RAB4B: variants seen among roughly 807,000 people sequenced by gnomAD.
RAB4B encodes ras-related protein Rab-4B.
Under a neutral mutation model 28.3 loss-of-function variants are expected in RAB4B, and 15 were observed. The ratio of observed to expected loss-of-function variants is 0.53; its 90% CI spans 0.35 to 0.82. RAB4B has a LOEUF of 0.82. Among genes scored for constraint, RAB4B ranks in the 40% least tolerant of loss-of-function variants. The pLI is 0.01. For missense variants in RAB4B, 244 were observed against 288.5 expected (o/e 0.85, Z 1.12); for synonymous variants, 108 against 116.3 (o/e 0.93, Z 0.46).
chr19:40,778,294 AG>A lies in RAB4B; in HGVS notation c.-81del. ...GGGAGTAGGAAGGAGCCGGGGCTGT[AG>A]CCGGAGTGGAGCGGCTGCCAGCCGA... On this transcript the variant is annotated 5_prime_UTR_variant, in exon 1 of 8. Coordinates refer to ENST00000357052, the MANE Select transcript of RAB4B (RefSeq NM_016154.5). 1 of 1,373,974 alleles carries A rather than the reference AG, an allele frequency of 7.3e-7. No homozygotes were observed. The highest frequency in any genetic ancestry group is 2.5e-5 in the Admixed American group (1 of 40,778). The allele number at this position is 1,373,974 out of a possible 1,614,324, so 85.1% of individuals were successfully genotyped here.
At chr19:40,779,888 G>C (rs2145036323) in intron 1 of RAB4B, 131 bp from the exon 2 acceptor site, 1 of 1,556,908 alleles carries the variant, frequency 6.4e-7, no homozygotes, top group East Asian at 2.3e-5. Context: ...CTATTGGTTT[G>C]TTTCTGCCTA....
Position 40,778,393 on chromosome 19 carries a change from T to C in RAB4B, c.16+2T>C. The C allele has an allele frequency of 6.9e-7, 1 of 1,458,862 alleles. No homozygotes were observed. The highest frequency in any genetic ancestry group is 9.0e-7 in the Non-Finnish European group (1 of 1,108,734). 90.4% of individuals were successfully genotyped at this position (1,458,862 alleles called of 1,614,324 possible). A position where few individuals can be genotyped will look rare whatever the true frequency, so the allele number is the denominator to read the frequency against. On this transcript the variant is annotated splice_donor_variant, in intron 1 of 7. Transcript: ENST00000357052. LOFTEE classifies it high-confidence loss of function. ...ACCGAGTCATGGCTGAGACCTACGG[T>C]GAGGGTGGTGGACGAAGCTGGGGTC... is the stretch of plus-strand genomic sequence containing the variant.
intron 3 of RAB4B, among the ~76,000 whole-genome samples, chr19:40,782,912 G>A (rs1054283588): frequency 6.6e-6 from 1 of 152,126 alleles, no homozygotes; most frequent in African/African-American, 2.4e-5. Context: ...GCCAAGGTGG[G>A]CGGATCACTT....
intron 7 of RAB4B, among the ~76,000 whole-genome samples, chr19:40,791,272 G>A (rs571192201): frequency 6.6e-6 from 1 of 152,340 alleles, no homozygotes; most frequent in South Asian, 2.1e-4. Flanking sequence ...TTACAGGCCT[G>A]AGCCACTGTG....
chr19:40,778,305 A>C lies in RAB4B; in HGVS notation c.-71A>C, dbSNP rs1316684618. On this transcript the variant is annotated 5_prime_UTR_variant, in exon 1 of 8. Coordinates refer to ENST00000357052, the MANE Select transcript of RAB4B (RefSeq NM_016154.5). ...GGAGCCGGGGCTGTAGCCGGAGTGG[A>C]GCGGCTGCCAGCCGAGGAGCAGGCG... is the stretch of plus-strand genomic sequence containing the variant. 2.8e-6 allele frequency: 4 copies of C among 1,435,354 alleles called. No individual in the cohort carries two copies. In the East Asian group the frequency reaches 1.1e-4, roughly 41 times the overall value. 88.9% of individuals were successfully genotyped at this position (1,435,354 alleles called of 1,614,324 possible). A position where few individuals can be genotyped will look rare whatever the true frequency, so the allele number is the denominator to read the frequency against.
intron 3 of RAB4B, among the ~76,000 whole-genome samples, chr19:40,783,169 A>AAAAG (rs1288424923): frequency 7.3e-6 from 1 of 136,226 alleles, no homozygotes; most frequent in African/African-American, 2.8e-5. Flanking sequence ...AAAAAAAAAA[A>AAAAG]AAAGAAAAAG....
chr19:40,790,609 G>A (rs1416491754), intron 7 of RAB4B, among the ~76,000 whole-genome samples: 16 of 150,326 alleles, frequency 1.1e-4, no homozygotes, highest in African/African-American at 3.7e-4. Context: ...TCCTGACCTC[G>A]TGATCCTCCT....
At chr19:40,791,147 G>A (rs1423597385) in intron 7 of RAB4B, among the ~76,000 whole-genome samples, 3 of 152,042 alleles carry the variant, frequency 2.0e-5, no homozygotes, top group African/African-American at 7.2e-5. Context: ...GAGACATTGC[G>A]CCCGGCCAAT....
chr19:40,786,726 G>C lies in RAB4B; in HGVS notation c.492G>C (p.Lys164Asn), dbSNP rs2083103021. 1 of 1,614,110 alleles carries C rather than the reference G, an allele frequency of 6.2e-7. No individual in the cohort carries two copies. The highest frequency in any genetic ancestry group is 8.5e-7 in the Non-Finnish European group (1 of 1,179,994). The change falls in exon 6 of 8, where the codon AAG becomes AAC. Residue 164 changes from lysine to asparagine, a missense_variant. Lys to Asn is a moderately conservative substitution (Grantham distance 94). Coordinates refer to ENST00000357052, the MANE Select transcript of RAB4B (RefSeq NM_016154.5). ...TGENVEEAFLKCARTILNKID... is the reference protein window; with the variant it reads ...TGENVEEAFLNCARTILNKID... Reference sequence around the variant, plus strand: ...AGAACGTGGAGGAGGCGTTCCTCAAGTGTGCCCGCACTATCCTCAACAAGA... The same window carrying C: ...AGAACGTGGAGGAGGCGTTCCTCAACTGTGCCCGCACTATCCTCAACAAGA...
At chr19:40,789,469 T>TGGG (rs2083136215) in intron 7 of RAB4B, among the ~76,000 whole-genome samples, 1 of 150,294 alleles carries the variant, frequency 6.7e-6, no homozygotes, top group Non-Finnish European at 1.5e-5. Flanking sequence ...CCCAAAGTGC[T>TGGG]GGGATTACAG....
chr19:40,783,984 C>T lies in RAB4B; in HGVS notation c.339C>T (p.Asn113=). ...ATGCCCGCACCCTGGCCAGCCCCAA[C>T]ATCGTGGTCATCCTCTGTGGCAACA... is the stretch of plus-strand genomic sequence containing the variant. ...LTDARTLASP[N]IVVILCGNKK... Residue 113 remains asparagine (N), a synonymous_variant, in exon 5 of 8, where the codon AAC becomes AAT. Transcript: ENST00000357052. 6.2e-7 allele frequency: 1 copy of T among 1,614,154 alleles called. No homozygotes were observed. The highest frequency in any genetic ancestry group is 2.2e-5 in the East Asian group (1 of 44,884).
chr19:40,790,775 G>A lies in RAB4B; in HGVS notation c.*15+3797G>A, dbSNP rs538410595. 2.0e-3 allele frequency among the ~76,000 whole-genome samples: 308 copies of A among 151,056 alleles called. 1 individual carries two copies. Among genetic ancestry groups the A allele is most frequent in the African/African-American group, 7.0e-3 (289 of 41,120 alleles). ...TGGCTCACTGCGACCTCCGCCTCCC[G>A]GGTTCAAGTGAGTCTCCTGCCTCAG... On this transcript the variant is annotated intron_variant, in intron 7 of 7. Transcript: ENST00000357052.
chr19:40,779,764 C>CA (rs2083029520), intron 1 of RAB4B: 18 of 893,712 alleles, frequency 2.0e-5, no homozygotes, highest in South Asian at 5.1e-5. Context: ...AAAACAACGA[C>CA]AAAAAAACCC....
At chr19:40,788,363 A>T (rs1359342033) in intron 7 of RAB4B, among the ~76,000 whole-genome samples, 3 of 151,312 alleles carry the variant, frequency 2.0e-5, no homozygotes, top group Non-Finnish European at 4.4e-5. Flanking sequence ...GTGCACCTGG[A>T]GTCCCAGCTA....
rs1165085155 is a variant in RAB4B, at chr19:40,784,043, T to C, written c.398T>C (p.Phe133Ser). ...CTGGACCCTGAGCGGGAGGTCACTT[T>C]CCTGGAGGCCTCCCGCTTTGCCCAG... The part of the protein sequence containing the change: ...KDLDPEREVT[F>S]LEASRFAQEN... Residue 133 changes from phenylalanine to serine, a missense_variant, in exon 5 of 8, where the codon TTC becomes TCC. Physicochemically the swap from Phe to Ser is radical, Grantham distance 155. Transcript: ENST00000357052. 2 of 1,613,616 alleles carry C rather than the reference T, an allele frequency of 1.2e-6. No homozygotes were observed. Among genetic ancestry groups the C allele is most frequent in the Non-Finnish European group, 1.7e-6 (2 of 1,179,712 alleles).
Position 40,786,467 on chromosome 19 carries a change from G to C in RAB4B, c.431-198G>C. 3 of 720,630 alleles carry C rather than the reference G, an allele frequency of 4.2e-6. No individual in the cohort carries two copies. In the South Asian group the frequency reaches 5.4e-5, roughly 13 times the overall value. 44.6% of individuals were successfully genotyped at this position (720,630 alleles called of 1,614,324 possible). A position where few individuals can be genotyped will look rare whatever the true frequency, so the allele number is the denominator to read the frequency against. ...ACTTCTTGGAGGAGGAGCTGTGTGAGCTGAGCTCTGAAGGAAGAGCTGGGT... is the reference window on the plus strand; with the variant it reads ...ACTTCTTGGAGGAGGAGCTGTGTGACCTGAGCTCTGAAGGAAGAGCTGGGT... On this transcript the variant is annotated intron_variant, in intron 5 of 7. Coordinates refer to ENST00000357052, the MANE Select transcript of RAB4B (RefSeq NM_016154.5).
chr19:40,781,666 C>T (rs753091929), intron 3 of RAB4B, among the ~76,000 whole-genome samples: 10 of 151,962 alleles, frequency 6.6e-5, no homozygotes, highest in Non-Finnish European at 1.3e-4. Context: ...ATGCGTAGGG[C>T]TCAACACACT....
At chr19:40,784,327 ATAAAAAATT>A (rs1441671593) in intron 5 of RAB4B, among the ~76,000 whole-genome samples, 2 of 152,128 alleles carry the variant, frequency 1.3e-5, no homozygotes. Context: ...TCCTATCTCT[ATAAAAAATT>A]TAAAAAATTA....
Position 40,778,262 on chromosome 19 carries a change from G to C in RAB4B, c.-114G>C, listed in dbSNP as rs1035344261. 9.7e-7 allele frequency: 1 copy of C among 1,035,090 alleles called. No individual in the cohort carries two copies. Among genetic ancestry groups the C allele is most frequent in the African/African-American group, 1.7e-5 (1 of 58,868 alleles). 64.1% of individuals were successfully genotyped at this position (1,035,090 alleles called of 1,614,324 possible). A position where few individuals can be genotyped will look rare whatever the true frequency, so the allele number is the denominator to read the frequency against. ...GGGCGGAGGCGGAAGTGGCGGTGCCGGGCCCGGGGAGTAGGAAGGAGCCGG... is the reference window on the plus strand; with the variant it reads ...GGGCGGAGGCGGAAGTGGCGGTGCCCGGCCCGGGGAGTAGGAAGGAGCCGG... On this transcript the variant is annotated 5_prime_UTR_variant, in exon 1 of 8. Transcript: ENST00000357052.
Sources: gnomAD v4.1 joint callset for allele counts (sites outside exome capture counted in the v4.1 genomes callset) on GRCh38, gnomAD v4.1.1 for gene constraint, MANE v1.5 for transcripts, NCBI Gene and HGNC (gene_info 2026-07-23, HGNC 2026-07-21) for gene names.